LILRB5: variants seen among roughly 807,000 people sequenced by gnomAD.
The protein encoded by LILRB5 is leukocyte immunoglobulin like receptor B5.
In LILRB5, 61 loss-of-function variants were observed where a neutral mutation model predicts 68.4. That is an observed-to-expected ratio of 0.89 (90% CI 0.73 to 1.10). The LOEUF (loss-of-function observed/expected upper bound fraction) is 1.10. Among genes scored for constraint, LILRB5 ranks in the 50% least tolerant of loss-of-function variants. The pLI is 0.00. For synonymous variants in LILRB5, 356 were observed against 315.8 expected, an observed-to-expected ratio of 1.13 and a Z score of -1.35; for missense variants, 771 against 751.6, an observed-to-expected ratio of 1.03 and a Z score of -0.30.
rs200687007 is a variant in LILRB5, at chr19:54,256,242, C to T, written c.456G>A (p.Thr152=). Residue 152 remains threonine (T), a synonymous_variant, in exon 4 of 13, where the codon ACG becomes ACA. Transcript: ENST00000449561. ...LQCDTLDGLL[T]FVLVEEEQKL... ...TCTGTTCTTCCTCAACAAGAACAAA[C>T]GTGAGAAGTCCGTCCAGTGTATCAC... The T allele has an allele frequency of 4.5e-5, 72 of 1,614,012 alleles. No individual in the cohort carries two copies. Among genetic ancestry groups the T allele is most frequent in the East Asian group, 3.8e-4 (17 of 44,866 alleles).
chr19:54,253,919 G>C (rs867095580), intron 8 of LILRB5, 99 bp downstream of exon 8: 1 of 1,547,726 alleles, frequency 6.5e-7, no homozygotes, highest in Middle Eastern at 1.7e-4. Flanking sequence ...GGAAGGGCTT[G>C]TGCACTTCAC....
chr19:54,255,904 C>T (rs541039407), intron 4 of LILRB5, 139 bp downstream of exon 4: 68 of 744,298 alleles, frequency 9.1e-5, no homozygotes, highest in Middle Eastern at 3.7e-4. Context: ...TGAGCCTCCC[C>T]GTGGGGTCTT....
intron 4 of LILRB5, 50 bp downstream of exon 4, chr19:54,255,993 A>C (rs1380198241): frequency 7.0e-7 from 1 of 1,426,836 alleles, no homozygotes; most frequent in East Asian, 2.3e-5. Flanking sequence ...ACTCCCAACA[A>C]CCTATCTGGT....
chr19:54,252,560 A>G lies in LILRB5; in HGVS notation c.1475-11T>C. 1 of 1,613,632 alleles carries G rather than the reference A, an allele frequency of 6.2e-7. No individual in the cohort carries two copies. Among genetic ancestry groups the G allele is most frequent in the Non-Finnish European group, 8.5e-7 (1 of 1,179,926 alleles). ...GACGGTAGAAATGGGCTGGACAGAG[A>G]TGGACAGAGGGTCAGGCCTGGGAGA... On this transcript the variant is annotated splice_polypyrimidine_tract_variant and intron_variant, in intron 9 of 12. Transcript: ENST00000449561.
In LILRB5 at chr19:54,250,892, T is replaced by C. The variant is rs138703353; in HGVS notation, c.1670A>G (p.Gln557Arg). ...CCGTCTGAGGGTCAAGCTGTGCAGC[T>C]GGGCGTAGGTCACATCCTGGGGGGC... ...SEAPQDVTYA[Q>R]LHSLTLRREA... Residue 557 changes from glutamine (Q) to arginine (R), a missense_variant, in exon 13 of 13, where the codon CAG (glutamine) becomes CGG (arginine). Coordinates refer to ENST00000449561, the MANE Select transcript of LILRB5 (RefSeq NM_001081442.3). 2.6e-4 allele frequency: 413 copies of C among 1,587,228 alleles called. No homozygotes were observed. Among genetic ancestry groups the C allele is most frequent in the African/African-American group, 9.9e-4 (70 of 70,716 alleles).
At position 54,255,426 on chromosome 19, in the gene LILRB5, GGCTGCT is replaced by G; in HGVS notation, c.806_811del (p.Gln269_Gln270del). 6.2e-7 allele frequency: 1 copy of G among 1,614,106 alleles called. No homozygotes were observed. The highest frequency in any genetic ancestry group is 8.5e-7 in the Non-Finnish European group (1 of 1,180,022). On this transcript the variant is annotated inframe_deletion, in exon 5 of 13. Coordinates refer to ENST00000449561, the MANE Select transcript of LILRB5 (RefSeq NM_001081442.3). ...GTTGGCCTGGGAGAGCCCAGCCTGG[GGCTGCT>G]GGCCAGAGCCCTGGACGAGGTCATG...
At chr19:54,254,338 C>T (rs1447534656) in intron 7 of LILRB5, 27 bp downstream of exon 7, 2 of 1,559,736 alleles carry the variant, frequency 1.3e-6, no homozygotes, top group Non-Finnish European at 1.7e-6. Context: ...CACGCTCCCT[C>T]CGAGCCCAGA....
chr19:54,251,138 A>G, intron 12 of LILRB5: 2 of 1,578,620 alleles, frequency 1.3e-6, no homozygotes, highest in Admixed American at 3.4e-5. Flanking sequence ...GGCATACGTC[A>G]CTGCCTGGGG....
chr19:54,256,415 G>C, intron 3 of LILRB5, 73 bp from the exon 4 acceptor site: 1 of 1,593,810 alleles, frequency 6.3e-7, no homozygotes, highest in Non-Finnish European at 8.6e-7. Context: ...GGCTGTGAGA[G>C]GTAGACGTCC....
At position 54,255,017 on chromosome 19, in the gene LILRB5, C is replaced by T. The variant is rs111841445; in HGVS notation, c.973G>A (p.Ala325Thr). Reference sequence around the variant, plus strand: ...TTGGGGCCCGGCTGCACCGAGAGGGCGGGTATGTCAGGGATCAGTCCTGGA... The same window carrying T: ...TTGGGGCCCGGCTGCACCGAGAGGGTGGGTATGTCAGGGATCAGTCCTGGA... ...LIAGLIPDIPALSVQPGPKVA... is the reference protein window; with the variant it reads ...LIAGLIPDIPTLSVQPGPKVA... The change falls in exon 6 of 13, where the codon GCC becomes ACC. Residue 325 changes from alanine to threonine, a missense_variant. Coordinates refer to ENST00000449561, the MANE Select transcript of LILRB5 (RefSeq NM_001081442.3). 3.4e-5 allele frequency: 55 copies of T among 1,609,018 alleles called. No individual in the cohort carries two copies. In the South Asian group the frequency reaches 3.5e-4, roughly 10 times the overall value.
chr19:54,255,997 A>G, intron 4 of LILRB5, 46 bp downstream of exon 4: 2 of 1,452,502 alleles, frequency 1.4e-6, no homozygotes, highest in Non-Finnish European at 1.9e-6. Flanking sequence ...CCAACAACCT[A>G]TCTGGTTCCC....
rs754267070 is a variant in LILRB5, at chr19:54,256,863, G to C, written c.71-90C>G. Reference sequence around the variant, plus strand: ...CAGGACCCTCCAGACGTCCCCATCAGTCAGCCCAGAACAGCTATCTCCACC... The same window carrying C: ...CAGGACCCTCCAGACGTCCCCATCACTCAGCCCAGAACAGCTATCTCCACC... On this transcript the variant is annotated intron_variant, in intron 2 of 12. Coordinates refer to ENST00000449561, the MANE Select transcript of LILRB5 (RefSeq NM_001081442.3). 5 of 1,608,222 alleles carry C rather than the reference G, an allele frequency of 3.1e-6. No homozygotes were observed. In the East Asian group the frequency reaches 1.1e-4, roughly 36 times the overall value.
In LILRB5 at chr19:54,254,646, C is replaced by G. The variant is rs927575486; in HGVS notation, c.1255+89G>C. On this transcript the variant is annotated intron_variant, in intron 6 of 12. Coordinates refer to ENST00000449561, the MANE Select transcript of LILRB5 (RefSeq NM_001081442.3). ...CCCCCCTCAAACCCTCCCCCCCGCA[C>G]CGCGACTCCATCCCAGCCCAGAGCT... 8 of 1,529,456 alleles carry G rather than the reference C, an allele frequency of 5.2e-6. No individual in the cohort carries two copies. In the South Asian group the frequency reaches 9.1e-5, roughly 17 times the overall value. 94.7% of individuals were successfully genotyped at this position (1,529,456 alleles called of 1,614,324 possible).
At position 54,252,079 on chromosome 19, in the gene LILRB5, T is replaced by G. The variant is rs778243940; in HGVS notation, c.1604A>C (p.Lys535Thr). The G allele has an allele frequency of 1.2e-6, 2 of 1,613,936 alleles. No individual in the cohort carries two copies. The highest frequency in any genetic ancestry group is 1.7e-6 in the Non-Finnish European group (2 of 1,179,966). The change falls in exon 12 of 13, where the codon AAG (lysine) becomes ACG (threonine). Residue 535 changes from lysine (K) to threonine (T), a missense_variant. Coordinates refer to ENST00000449561, the MANE Select transcript of LILRB5 (RefSeq NM_001081442.3). ...LNAAVKDTQP[K>T]DGVEMDAPAA... ...CGGAGCATCCATCTCCACCCCGTCC[T>G]TGGGCTGTGTGTCCTTCACGGCAGC...
intron 12 of LILRB5, chr19:54,251,587 C>A: frequency 1.8e-6 from 1 of 570,752 alleles, no homozygotes; most frequent in South Asian, 1.6e-5. Context: ...TTCCTTACAG[C>A]ACGTTGCACT....
rs758957424 is a variant in LILRB5, at chr19:54,252,078, C to G, written c.1605G>C (p.Lys535Asn). The G allele has an allele frequency of 6.2e-7, 1 of 1,614,088 alleles. No individual in the cohort carries two copies. The highest frequency in any genetic ancestry group is 1.1e-5 in the South Asian group (1 of 91,078). ...CCGGAGCATCCATCTCCACCCCGTC[C>G]TTGGGCTGTGTGTCCTTCACGGCAG... The part of the protein sequence containing the change: ...LNAAVKDTQP[K>N]DGVEMDAPAA... Residue 535 changes from lysine to asparagine, a missense_variant, in exon 12 of 13, where the codon AAG (lysine) becomes AAC (asparagine). Coordinates refer to ENST00000449561, the MANE Select transcript of LILRB5 (RefSeq NM_001081442.3).
intron 12 of LILRB5, 137 bp downstream of exon 12, chr19:54,251,917 C>T (rs888896171): frequency 1.4e-5 from 13 of 949,780 alleles, no homozygotes; most frequent in East Asian, 7.2e-5. Context: ...TCGCAGCAGG[C>T]GGGAGGCAGC....
Position 54,252,309 on chromosome 19 carries a change from C to T in LILRB5, c.1576+57G>A. ...GCCTGTGCTCCTGCCCCCATTGCTACAGAAACTTTGGTGCTCCCTTGCCCA... is the reference window on the plus strand; with the variant it reads ...GCCTGTGCTCCTGCCCCCATTGCTATAGAAACTTTGGTGCTCCCTTGCCCA... On this transcript the variant is annotated intron_variant, in intron 11 of 12. Transcript: ENST00000449561. 3.8e-6 allele frequency: 6 copies of T among 1,589,218 alleles called. No individual in the cohort carries two copies. In the South Asian group the frequency reaches 5.6e-5, roughly 15 times the overall value.
chr19:54,255,584 T>A lies in LILRB5; in HGVS notation c.656-2A>T. The A allele has an allele frequency of 6.2e-7, 1 of 1,611,748 alleles. No individual in the cohort carries two copies. Among genetic ancestry groups the A allele is most frequent in the Non-Finnish European group, 8.5e-7 (1 of 1,178,516 alleles). On this transcript the variant is annotated splice_acceptor_variant, in intron 4 of 12. Coordinates refer to ENST00000449561, the MANE Select transcript of LILRB5 (RefSeq NM_001081442.3). LOFTEE classifies it high-confidence loss of function. ...GGAGGGAGGGCTTCCTAGACACGCC[T>A]GGAGGGAAAGAGGAATTGGGACTTG...
Sources: gnomAD v4.1 joint callset for allele counts on GRCh38, gnomAD v4.1.1 for gene constraint, MANE v1.5 for transcripts, NCBI Gene and HGNC (gene_info 2026-07-23, HGNC 2026-07-21) for gene names.